CACNA1A: variants seen among roughly 807,000 people sequenced by gnomAD.
The protein encoded by CACNA1A is voltage-dependent P/Q-type calcium channel subunit alpha-1A.
Under a neutral mutation model 262.4 loss-of-function variants are expected in CACNA1A, and 57 were observed. The ratio of observed to expected loss-of-function variants is 0.22; its 90% CI spans 0.18 to 0.27. The LOEUF (loss-of-function observed/expected upper bound fraction) is 0.27, where lower values mean the gene tolerates loss of function less well. Among genes scored for constraint, CACNA1A ranks in the 10% least tolerant of loss-of-function variants. The pLI is 1.00. For missense variants in CACNA1A, 2,526 were observed against 3,562.8 expected (o/e 0.71, Z 7.41); for synonymous variants, 1,431 against 1,419.3 (o/e 1.01, Z -0.18).
At chr19:13,285,578 C>A (rs1322613551) in intron 20 of CACNA1A, among the ~76,000 whole-genome samples, 1 of 152,040 alleles carries the variant, frequency 6.6e-6, no homozygotes. Flanking sequence ...CTGCCCCTAT[C>A]CTCGTTGGAC....
rs996453280 is a variant in CACNA1A at position 13,299,236 on chromosome 19, C to T, written c.2397G>A (p.Pro799=). The change falls in exon 19 of 47, where the codon CCG becomes CCA. Residue 799 remains proline (P), a synonymous_variant. Transcript: ENST00000360228. ...TGTAGGCAGCCTTCCAGCGCTCGTC[C>T]GGGTCCATTTCGTTATACAGGGCCT... ...SREALYNEMD[P]DERWKAAYTR... is the part of the protein sequence containing the mutation. 25 of 1,609,782 alleles carry T rather than the reference C, an allele frequency of 1.6e-5. No individual in the cohort carries two copies. Among genetic ancestry groups the T allele is most frequent in the Non-Finnish European group, 2.1e-5 (25 of 1,179,870 alleles).
Position 13,234,610 on chromosome 19 carries a change from G to GC in CACNA1A, c.5249+310dup, listed in dbSNP as rs938327979. Among the ~76,000 whole-genome samples the GC allele has an allele frequency of 3.3e-5, 5 of 152,086 alleles. No homozygotes were observed. In the East Asian group the frequency reaches 7.7e-4, roughly 24 times the overall value. On this transcript the variant is annotated intron_variant, in intron 34 of 46. Transcript: ENST00000360228. ...GCTTCTGCCCTGCTAGGATTCCTGGGCCCCCCACGACACCCATTTCCAGCC... is the reference window on the plus strand; with the variant it reads ...GCTTCTGCCCTGCTAGGATTCCTGGGCCCCCCCACGACACCCATTTCCAGCC...
chr19:13,278,577 C>G (rs1267289131), intron 22 of CACNA1A, among the ~76,000 whole-genome samples: 1 of 152,168 alleles, frequency 6.6e-6, no homozygotes, highest in African/African-American at 2.4e-5. Flanking sequence ...CCACTTATCA[C>G]TCCCTGAACA....
intron 3 of CACNA1A, among the ~76,000 whole-genome samples, chr19:13,378,757 T>C (rs2059460642): frequency 6.6e-6 from 1 of 151,310 alleles, no homozygotes; most frequent in African/African-American, 2.4e-5. Context: ...CCCCCCCGCC[T>C]CCCAGGTTCA....
At chr19:13,404,386 C>T (rs779342072) in intron 3 of CACNA1A, among the ~76,000 whole-genome samples, 4 of 152,142 alleles carry the variant, frequency 2.6e-5, no homozygotes, top group African/African-American at 7.2e-5. Context: ...GAGCTAACAG[C>T]GACCTTCCAA....
rs996269349 is a variant in CACNA1A, at chr19:13,212,822, C to T, written c.5941-82G>A. On this transcript the variant is annotated intron_variant, in intron 40 of 46. Coordinates refer to ENST00000360228, the MANE Select transcript of CACNA1A (RefSeq NM_001127222.2). The surrounding 1 kb of genome is among the most constrained non-coding windows in gnomAD (Gnocchi z 5.6). ...TACCCAGAAGGCATTGCGACATCCC[C>T]AGTATACACACACACACACACACAC... 3.0e-4 allele frequency: 172 copies of T among 582,398 alleles called. No homozygotes were observed. Among genetic ancestry groups the T allele is most frequent in the Non-Finnish European group, 4.7e-4 (160 of 340,106 alleles). 36.1% of individuals were successfully genotyped at this position (582,398 alleles called of 1,614,324 possible).
At chr19:13,450,626 C>A (rs1363624146) in intron 3 of CACNA1A, 1 of 152,170 alleles carries the variant, frequency 6.6e-6, no homozygotes, top group African/African-American at 2.4e-5. Flanking sequence ...GGACCTGGCA[C>A]ACAGAAGTGT....
At chr19:13,322,239 A>G (rs949990042) in intron 10 of CACNA1A, among the ~76,000 whole-genome samples, 1 of 151,688 alleles carries the variant, frequency 6.6e-6, no homozygotes, top group Non-Finnish European at 1.5e-5. Context: ...ATACAGAAAC[A>G]CAGAAAGAAG....
At chr19:13,341,811 T>C (rs1032088245) in intron 6 of CACNA1A, among the ~76,000 whole-genome samples, 1 of 152,168 alleles carries the variant, frequency 6.6e-6, no homozygotes, top group Non-Finnish European at 1.5e-5. Flanking sequence ...TTATTTCTCT[T>C]GTTCTCTCGT....
chr19:13,211,095 T>C, intron 43 of CACNA1A: 1 of 202,712 alleles, frequency 4.9e-6, no homozygotes, highest in Non-Finnish European at 1.0e-5. Flanking sequence ...AGCTCGGTCC[T>C]GAGGGAGCAG....
chr19:13,506,160 C>A lies in CACNA1A; in HGVS notation c.65G>T (p.Gly22Val). 2 of 1,548,232 alleles carry A rather than the reference C, an allele frequency of 1.3e-6. No homozygotes were observed. Among genetic ancestry groups the A allele is most frequent in the Non-Finnish European group, 1.7e-6 (2 of 1,146,898 alleles). The change falls in exon 1 of 47, where the codon GGG becomes GTG. Residue 22 changes from glycine (G) to valine (V), a missense_variant. Gly to Val is a moderately radical substitution (Grantham distance 109). Coordinates refer to ENST00000360228, the MANE Select transcript of CACNA1A (RefSeq NM_001127222.2). ...YGGGGSGAAA[G>V]VVVGSGGGRG... Reference sequence around the variant, plus strand: ...CCCGCCTCCGCTGCCCACGACCACCCCGGCGGCTGCCCCGGAGCCTCCTCC... The same window carrying A: ...CCCGCCTCCGCTGCCCACGACCACCACGGCGGCTGCCCCGGAGCCTCCTCC...
In CACNA1A at chr19:13,207,376, G is replaced by T; in HGVS notation, c.7458C>A (p.Arg2486=). 5.8e-6 allele frequency: 9 copies of T among 1,546,618 alleles called. No individual in the cohort carries two copies. The highest frequency in any genetic ancestry group is 7.8e-6 in the Non-Finnish European group (9 of 1,152,778). The change falls in exon 47 of 47, where the codon CGC becomes CGA. Residue 2486 remains arginine (R), a synonymous_variant. Transcript: ENST00000360228. The surrounding 1 kb of genome is among the most constrained non-coding windows in gnomAD (Gnocchi z 5.7). ...YYPAHGLARP[R]GPGSRKGLHE... is the part of the protein sequence containing the mutation. ...GCAGGCCCTTCCTGGAGCCCGGCCC[G>T]CGGGGCCTGGCCAGTCCGTGCGCCG...
intron 3 of CACNA1A, among the ~76,000 whole-genome samples, chr19:13,420,981 A>G (rs556996466): frequency 6.6e-6 from 1 of 152,286 alleles, no homozygotes; most frequent in South Asian, 2.1e-4. Context: ...CATCCCTAGC[A>G]GTTTGGTATG....
At chr19:13,293,462 T>TTTTTA in intron 19 of CACNA1A, among the ~76,000 whole-genome samples, 1 of 146,318 alleles carries the variant, frequency 6.8e-6, no homozygotes, top group Admixed American at 6.9e-5. Context: ...TTTTTTTTTT[T>TTTTTA]TGAGATGGAG....
rs746703285 is a variant in CACNA1A at position 13,308,107 on chromosome 19, G to A, written c.1913+13C>T. 5 of 1,613,672 alleles carry A rather than the reference G, an allele frequency of 3.1e-6. No homozygotes were observed. The South Asian group carries it at 5.5e-5, about 18-fold the overall frequency. On this transcript the variant is annotated intron_variant, in intron 14 of 46. Coordinates refer to ENST00000360228, the MANE Select transcript of CACNA1A (RefSeq NM_001127222.2). This position sits in a 1 kb window ranked among gnomAD's most constrained non-coding sequence, Gnocchi z 4.2. ...CAGGGAACCAGGAGTTGGAATTCCT[G>A]TGAAGGACTTACTGGCCGCCGAAGA...
chr19:13,225,728 G>A (rs1393946137), intron 37 of CACNA1A: 1 of 152,184 alleles, frequency 6.6e-6, no homozygotes, highest in African/African-American at 2.4e-5. Context: ...ACTGGGGGTA[G>A]GGTGGGGAAG....
rs897830115 is a variant in CACNA1A at position 13,207,896 on chromosome 19, T to A, written c.6938A>T (p.Gln2313Leu). The A allele has an allele frequency of 2.9e-5, 39 of 1,336,828 alleles. No homozygotes were observed. Among genetic ancestry groups the A allele is most frequent in the Non-Finnish European group, 3.6e-5 (38 of 1,043,078 alleles). 82.8% of individuals were successfully genotyped at this position (1,336,828 alleles called of 1,614,324 possible). The change falls in exon 47 of 47, where the codon CAG (glutamine) becomes CTG (leucine). Residue 2313 changes from glutamine to leucine, a missense_variant. Physicochemically the swap from Gln to Leu is moderately radical, Grantham distance 113 (BLOSUM62 -2). Coordinates refer to ENST00000360228, the MANE Select transcript of CACNA1A (RefSeq NM_001127222.2). This position sits in a 1 kb window ranked among gnomAD's most constrained non-coding sequence, Gnocchi z 5.7. The stretch of plus-strand genomic sequence containing the variant: ...CTGCTGCTGCTGCTGCTGCTGCTGC[T>A]GCGGGGGCCCCGAGCCGCCGGCCTT... Reference protein sequence around the residue: ...IRKAGGSGPPQQQQQQQQQQQ... With the variant: ...IRKAGGSGPPLQQQQQQQQQQ...
chr19:13,474,172 C>A (rs929381951), intron 1 of CACNA1A, among the ~76,000 whole-genome samples: 5 of 152,224 alleles, frequency 3.3e-5, no homozygotes, highest in Non-Finnish European at 7.3e-5. Flanking sequence ...CCAGCGCAGA[C>A]AGAACATCAA....
At chr19:13,227,954 C>T (rs1464073426) in intron 36 of CACNA1A, among the ~76,000 whole-genome samples, 2 of 133,708 alleles carry the variant, frequency 1.5e-5, no homozygotes, top group African/African-American at 2.8e-5. Flanking sequence ...CTCTCTGTCG[C>T]CTGGGTTGGA....
Sources: allele counts gnomAD v4.1 joint callset (sites outside exome capture counted in the v4.1 genomes callset), GRCh38; gene constraint gnomAD v4.1.1; non-coding constraint Gnocchi (gnomAD v3.1); transcripts MANE v1.5; gene names NCBI Gene and HGNC (gene_info 2026-07-23, HGNC 2026-07-21).